TSHZ2: variants seen among roughly 807,000 people sequenced by gnomAD.
TSHZ2 encodes the protein teashirt zinc finger homeobox 2.
Under a neutral mutation model 74.4 loss-of-function variants are expected in TSHZ2, and 21 were observed. The observed-to-expected ratio is 0.28, with a 90% CI of 0.20 to 0.41. The LOEUF (loss-of-function observed/expected upper bound fraction) is 0.41. TSHZ2 is among the 10% of genes least tolerant of loss of function. The probability of loss-of-function intolerance (pLI) is 1.00; values close to 1 mark genes in which losing one functional copy is unlikely to be tolerated. For missense variants in TSHZ2, 1,244 were observed against 1,293.5 expected, an observed-to-expected ratio of 0.96 and a Z score of 0.59; for synonymous variants, 540 against 515.3, an observed-to-expected ratio of 1.05 and a Z score of -0.65.
At position 53,256,285 on chromosome 20, in the gene TSHZ2, A is replaced by C. The variant is rs1221910481; in HGVS notation, c.2827A>C (p.Ser943Arg). The part of the protein sequence containing the change: ...SQFRTPSTYI[S>R]HLESHLGFQM... Reference sequence around the variant, plus strand: ...GTTCAGAACCCCTTCTACCTACATCAGTCACTTAGAATCTCACCTGGGTTT... The same window carrying C: ...GTTCAGAACCCCTTCTACCTACATCCGTCACTTAGAATCTCACCTGGGTTT... The change falls in exon 2 of 3, where the codon AGT becomes CGT. Residue 943 changes from serine to arginine, a missense_variant. Coordinates refer to ENST00000371497, the MANE Select transcript of TSHZ2 (RefSeq NM_173485.6). This position sits in a 1 kb window ranked among gnomAD's most constrained non-coding sequence, Gnocchi z 4.3. 1 of 1,613,974 alleles carries C rather than the reference A, an allele frequency of 6.2e-7. No homozygotes were observed. Among genetic ancestry groups the C allele is most frequent in the Admixed American group, 1.7e-5 (1 of 60,008 alleles).
intron 2 of TSHZ2, among the ~76,000 whole-genome samples, chr20:53,283,237 T>C (rs1991099381): frequency 6.6e-6 from 1 of 152,160 alleles, no homozygotes; most frequent in Non-Finnish European, 1.5e-5. Context: ...AGAACAAGAA[T>C]TCAAATGCAA....
At chr20:53,177,943 GC>G (rs2123502197) in intron 1 of TSHZ2, among the ~76,000 whole-genome samples, 1 of 152,266 alleles carries the variant, frequency 6.6e-6, no homozygotes, top group African/African-American at 2.4e-5. Context: ...TTTGCACAGT[GC>G]CTGGTGCATT....
chr20:53,115,008 C>T (rs1986632535), intron 1 of TSHZ2, among the ~76,000 whole-genome samples: 1 of 152,182 alleles, frequency 6.6e-6, no homozygotes, highest in Admixed American at 6.5e-5. Context: ...CTGGTGTCCA[C>T]TGAGATGGAT....
chr20:53,251,893 G>C (rs1197758145), intron 1 of TSHZ2, among the ~76,000 whole-genome samples: 1 of 152,174 alleles, frequency 6.6e-6, no homozygotes, highest in Non-Finnish European at 1.5e-5. Context: ...GCAATACAAA[G>C]ATAGCAGCAT....
intron 2 of TSHZ2, among the ~76,000 whole-genome samples, chr20:53,384,806 CATT>C (rs1444033469): frequency 1.3e-5 from 2 of 152,188 alleles, no homozygotes; most frequent in African/African-American, 4.8e-5. Flanking sequence ...AATTAAATGA[CATT>C]GTACTTTCTC....
intron 2 of TSHZ2, among the ~76,000 whole-genome samples, chr20:53,411,615 G>T (rs1983057436): frequency 6.6e-6 from 1 of 152,182 alleles, no homozygotes; most frequent in African/African-American, 2.4e-5. Context: ...GACTGCTCAA[G>T]GCCAGGAGTT....
At chr20:53,072,161 C>A (rs544526193) in intron 1 of TSHZ2, among the ~76,000 whole-genome samples, 1 of 152,278 alleles carries the variant, frequency 6.6e-6, no homozygotes, top group South Asian at 2.1e-4. Flanking sequence ...TCCTAACCAA[C>A]AAATCCAAAC....
chr20:53,248,131 C>T (rs1456518322), intron 1 of TSHZ2, among the ~76,000 whole-genome samples: 2 of 152,132 alleles, frequency 1.3e-5, no homozygotes, highest in African/African-American at 2.4e-5. Flanking sequence ...AGGGCAGTGG[C>T]GTGATCACAG....
intron 1 of TSHZ2, among the ~76,000 whole-genome samples, chr20:53,144,025 C>T (rs1987478003): frequency 6.6e-6 from 1 of 152,076 alleles, no homozygotes; most frequent in African/African-American, 2.4e-5. Flanking sequence ...AAACTGTACT[C>T]TTGCACTAAG....
intron 1 of TSHZ2, among the ~76,000 whole-genome samples, chr20:52,973,790 G>T (rs1403327061): frequency 1.3e-5 from 2 of 152,188 alleles, no homozygotes; most frequent in Admixed American, 6.5e-5. Flanking sequence ...TAACACTCGG[G>T]CTGCAGGCAG....
At chr20:53,018,160 G>A (rs184801553) in intron 1 of TSHZ2, among the ~76,000 whole-genome samples, 2 of 152,206 alleles carry the variant, frequency 1.3e-5, no homozygotes, top group Admixed American at 1.3e-4. Flanking sequence ...CACCAAGAAG[G>A]CAACGTCCTT....
At chr20:53,017,215 T>C (rs1250134399) in intron 1 of TSHZ2, among the ~76,000 whole-genome samples, 2 of 152,182 alleles carry the variant, frequency 1.3e-5, no homozygotes, top group Non-Finnish European at 2.9e-5. Flanking sequence ...TAAACCTCCT[T>C]TTCTGAAATG....
At chr20:53,008,031 A>G (rs1362632078) in intron 1 of TSHZ2, among the ~76,000 whole-genome samples, 2 of 152,134 alleles carry the variant, frequency 1.3e-5, no homozygotes, top group African/African-American at 4.8e-5. Flanking sequence ...CAAGAAACCA[A>G]TTCCACTGAA....
intron 1 of TSHZ2, chr20:53,168,738 C>T (rs1457349794): frequency 1.3e-5 from 2 of 152,168 alleles, no homozygotes; most frequent in African/African-American, 4.8e-5. Context: ...GTAGCTCTGC[C>T]ATCTGGAGCA....
At chr20:53,076,901 G>A (rs1985380812) in intron 1 of TSHZ2, among the ~76,000 whole-genome samples, 1 of 152,212 alleles carries the variant, frequency 6.6e-6, no homozygotes, top group African/African-American at 2.4e-5. Context: ...TAAAGAAAGA[G>A]TTATAAACAA....
intron 1 of TSHZ2, among the ~76,000 whole-genome samples, chr20:53,018,922 T>A (rs1420057846): frequency 2.0e-5 from 3 of 152,236 alleles, no homozygotes; most frequent in African/African-American, 7.2e-5. Flanking sequence ...TATTTTTAGA[T>A]CCTAGTCATT....
At chr20:53,081,749 G>A (rs1985542341) in intron 1 of TSHZ2, among the ~76,000 whole-genome samples, 1 of 152,114 alleles carries the variant, frequency 6.6e-6, no homozygotes, top group Non-Finnish European at 1.5e-5. Flanking sequence ...ATATGTTACT[G>A]ACAGGAGCTT....
At chr20:52,974,045 T>C (rs1157996456) in intron 1 of TSHZ2, among the ~76,000 whole-genome samples, 1 of 152,232 alleles carries the variant, frequency 6.6e-6, no homozygotes, top group Admixed American at 6.5e-5. Context: ...ATTCGTACTG[T>C]AAAAACTATC....
intron 1 of TSHZ2, among the ~76,000 whole-genome samples, chr20:53,087,957 A>C (rs1321112250): frequency 6.6e-6 from 1 of 152,192 alleles, no homozygotes; most frequent in Non-Finnish European, 1.5e-5. Context: ...ACCTTTTCCC[A>C]AGCAGTTCTC....
Sources: allele counts gnomAD v4.1 joint callset (sites outside exome capture counted in the v4.1 genomes callset), GRCh38; gene constraint gnomAD v4.1.1; non-coding constraint Gnocchi (gnomAD v3.1); transcripts MANE v1.5; gene names NCBI Gene and HGNC (gene_info 2026-07-23, HGNC 2026-07-21).